LUZP2: variants seen among roughly 807,000 people sequenced by gnomAD.
LUZP2 encodes the protein leucine zipper protein 2.
Under a neutral mutation model 51.6 loss-of-function variants are expected in LUZP2, and 52 were observed. The observed-to-expected ratio is 1.01, with a 90% CI of 0.81 to 1.27. The LOEUF (loss-of-function observed/expected upper bound fraction) is 1.27. LUZP2 is among the 50% of genes most tolerant of loss of function. The pLI is 0.00. For missense variants in LUZP2, 436 were observed against 395.4 expected (o/e 1.10, Z -0.87); for synonymous variants, 154 against 137.3 (o/e 1.12, Z -0.85).
At chr11:25,018,423 G>T (rs1035112483) in intron 9 of LUZP2, among the ~76,000 whole-genome samples, 3 of 152,036 alleles carry the variant, frequency 2.0e-5, no homozygotes, top group Admixed American at 2.0e-4. Flanking sequence ...CTGAAAGATG[G>T]AGTGTCAGCA....
chr11:25,059,724 A>T (rs1185328823), intron 10 of LUZP2, among the ~76,000 whole-genome samples: 1 of 152,162 alleles, frequency 6.6e-6, no homozygotes, highest in Non-Finnish European at 1.5e-5. Context: ...TTAAATCATA[A>T]ACACAAAAGG....
chr11:24,960,575 G>T (rs927166558), intron 7 of LUZP2, among the ~76,000 whole-genome samples: 1 of 152,042 alleles, frequency 6.6e-6, no homozygotes, highest in African/African-American at 2.4e-5. Context: ...TTGTATTTCT[G>T]TGGGATCGGT....
At chr11:24,680,561 C>G (rs1856700157) in intron 1 of LUZP2, among the ~76,000 whole-genome samples, 1 of 152,096 alleles carries the variant, frequency 6.6e-6, no homozygotes, top group Non-Finnish European at 1.5e-5. Flanking sequence ...AGAGAAAGAT[C>G]TTCAGTTCCT....
chr11:24,854,334 G>T (rs951477191), intron 5 of LUZP2, among the ~76,000 whole-genome samples: 2 of 152,248 alleles, frequency 1.3e-5, no homozygotes, highest in Non-Finnish European at 2.9e-5. Flanking sequence ...GAGAAGGAAT[G>T]TAGAGAGGCA....
intron 1 of LUZP2, among the ~76,000 whole-genome samples, chr11:24,614,506 C>T (rs73433061): frequency 0.19 from 28,838 of 151,874 alleles, 3,116 homozygotes; most frequent in African/African-American, 0.29. Flanking sequence ...TACATTTCTA[C>T]GTCTGGAAAA....
Position 24,514,842 on chromosome 11 carries a change from G to A in LUZP2, c.62+17537G>A, listed in dbSNP as rs187913503. Among the ~76,000 whole-genome samples the A allele has an allele frequency of 5.3e-5, 8 of 152,212 alleles. No individual in the cohort carries two copies. The East Asian group carries it at 9.7e-4, about 18-fold the overall frequency. Reference sequence around the variant, plus strand: ...GAGGTGAGGGCTGTTCTGTAAAAGCGGCCTGGCTCAAGGAAAGCTAAATTC... The same window carrying A: ...GAGGTGAGGGCTGTTCTGTAAAAGCAGCCTGGCTCAAGGAAAGCTAAATTC... On this transcript the variant is annotated intron_variant, in intron 1 of 11. Transcript: ENST00000336930.
chr11:24,902,282 A>G (rs941653410), intron 5 of LUZP2, among the ~76,000 whole-genome samples: 2 of 152,092 alleles, frequency 1.3e-5, no homozygotes, highest in Admixed American at 6.6e-5. Flanking sequence ...CTTGTACCCA[A>G]TAGTTATTTT....
At chr11:24,807,367 CA>C (rs1371002144) in intron 5 of LUZP2, among the ~76,000 whole-genome samples, 1 of 150,772 alleles carries the variant, frequency 6.6e-6, no homozygotes, top group African/African-American at 2.4e-5. Context: ...GAGGCTGAGG[CA>C]GGAGAATCAC....
chr11:24,550,127 G>T (rs1851681577), intron 1 of LUZP2, among the ~76,000 whole-genome samples: 1 of 151,948 alleles, frequency 6.6e-6, no homozygotes, highest in African/African-American at 2.4e-5. Flanking sequence ...TTTTACTGTT[G>T]TGTACAGTAA....
At chr11:24,627,379 C>G (rs945888961) in intron 1 of LUZP2, among the ~76,000 whole-genome samples, 3 of 152,144 alleles carry the variant, frequency 2.0e-5, no homozygotes, top group African/African-American at 7.2e-5. Context: ...TGTCAGTGCT[C>G]ATTCAGGCAC....
At chr11:24,566,331 T>A (rs1471672955) in intron 1 of LUZP2, among the ~76,000 whole-genome samples, 2 of 134,542 alleles carry the variant, frequency 1.5e-5, no homozygotes, top group African/African-American at 2.9e-5. Flanking sequence ...TATTTATTTT[T>A]TTTTTTTTTT....
intron 1 of LUZP2, among the ~76,000 whole-genome samples, chr11:24,666,612 A>G (rs1444446448): frequency 6.6e-6 from 1 of 152,128 alleles, no homozygotes; most frequent in Admixed American, 6.5e-5. Flanking sequence ...TATCTATAAA[A>G]GCTGTGAAAT....
chr11:24,991,402 A>C (rs1220046656), intron 9 of LUZP2, among the ~76,000 whole-genome samples: 13 of 140,902 alleles, frequency 9.2e-5, no homozygotes, highest in Non-Finnish European at 1.8e-4. Flanking sequence ...GTGTGTATAT[A>C]TATATATATA....
chr11:25,012,969 C>G (rs1202513658), intron 9 of LUZP2, among the ~76,000 whole-genome samples: 1 of 152,092 alleles, frequency 6.6e-6, no homozygotes, highest in Non-Finnish European at 1.5e-5. Context: ...TGGAATCAAC[C>G]TAAGTGTCCA....
intron 1 of LUZP2, among the ~76,000 whole-genome samples, chr11:24,685,019 T>A: frequency 8.5e-6 from 1 of 117,376 alleles, no homozygotes; most frequent in Non-Finnish European, 1.7e-5. Context: ...CTTACTGTAT[T>A]TTGCTCTGTG....
intron 1 of LUZP2, among the ~76,000 whole-genome samples, chr11:24,660,160 C>T (rs982224528): frequency 5.9e-5 from 9 of 152,142 alleles, no homozygotes; most frequent in African/African-American, 2.2e-4. Flanking sequence ...ACCATGTGAA[C>T]TTGGAAGAGG....
chr11:24,846,618 C>T (rs933253373), intron 5 of LUZP2, among the ~76,000 whole-genome samples: 2 of 152,074 alleles, frequency 1.3e-5, no homozygotes, highest in African/African-American at 4.8e-5. Flanking sequence ...TGAAACCTTA[C>T]AAGGAAAATC....
At chr11:24,663,797 A>G (rs897232804) in intron 1 of LUZP2, among the ~76,000 whole-genome samples, 1 of 151,978 alleles carries the variant, frequency 6.6e-6, no homozygotes, top group Non-Finnish European at 1.5e-5. Context: ...TTCTTAAGAG[A>G]TCTGATGGTT....
chr11:25,054,904 A>G (rs1590881401), intron 10 of LUZP2, among the ~76,000 whole-genome samples: 1 of 145,750 alleles, frequency 6.9e-6, no homozygotes, highest in Admixed American at 6.9e-5. Flanking sequence ...AGTCCCTTAC[A>G]TTTCTTTGCA....
Sources: allele counts gnomAD v4.1 joint callset (sites outside exome capture counted in the v4.1 genomes callset), GRCh38; gene constraint gnomAD v4.1.1; transcripts MANE v1.5; gene names NCBI Gene and HGNC (gene_info 2026-07-23, HGNC 2026-07-21).